Variants in UVRAG observed in about 807,000 individuals in gnomAD.
The protein encoded by UVRAG is UV radiation resistance associated.
In UVRAG, 19 loss-of-function variants were observed where a neutral mutation model predicts 78.0. The observed-to-expected ratio is 0.24, with a 90% confidence interval of 0.17 to 0.36. The LOEUF (loss-of-function observed/expected upper bound fraction) is 0.36, where lower values mean the gene tolerates loss of function less well. UVRAG is among the 10% of genes least tolerant of loss of function. The pLI, the probability that UVRAG is intolerant of heterozygous loss-of-function variation, is 1.00. For missense variants in UVRAG, 740 were observed against 853.8 expected (o/e 0.87, Z 1.66); for synonymous variants, 323 against 324.6 (o/e 1.00, Z 0.05).
intron 12 of UVRAG, among the ~76,000 whole-genome samples, chr11:76,030,067 G>A (rs1950406939): frequency 6.6e-6 from 1 of 151,522 alleles, no homozygotes; most frequent in Non-Finnish European, 1.5e-5. Flanking sequence ...TATATATTTT[G>A]TATTTTCTTT....
At chr11:76,113,397 G>A (rs1952117860) in intron 13 of UVRAG, among the ~76,000 whole-genome samples, 1 of 152,018 alleles carries the variant, frequency 6.6e-6, no homozygotes, top group South Asian at 2.1e-4. Context: ...TGGGAGCATA[G>A]TAGATGATGT....
At chr11:75,889,393 T>G (rs1947167124) in intron 5 of UVRAG, among the ~76,000 whole-genome samples, 1 of 152,244 alleles carries the variant, frequency 6.6e-6, no homozygotes, top group Non-Finnish European at 1.5e-5. Flanking sequence ...CAGGTGATTC[T>G]TGTCCTTTTC....
chr11:76,022,463 C>T (rs1410726904), intron 12 of UVRAG, among the ~76,000 whole-genome samples: 1 of 151,968 alleles, frequency 6.6e-6, no homozygotes, highest in Non-Finnish European at 1.5e-5. Context: ...ATATTTTAGA[C>T]CTCTGTTGTT....
rs146399433 is a variant in UVRAG, at chr11:75,892,313, G to A, written c.507+3410G>A. 9.1e-6 allele frequency: 9 copies of A among 985,358 alleles called. No individual in the cohort carries two copies. The African/African-American group carries it at 1.2e-4, about 13-fold the overall frequency. The allele number at this position is 985,358 out of a possible 1,614,324, so 61.0% of individuals were successfully genotyped here. On this transcript the variant is annotated intron_variant, in intron 5 of 14. Coordinates refer to ENST00000356136, the MANE Select transcript of UVRAG (RefSeq NM_003369.4). Reference sequence around the variant, plus strand: ...AGTGAGTGGAGGACACAGAGAAACTGCAGATGCTCCTTTCATGACCTTTTC... The same window carrying A: ...AGTGAGTGGAGGACACAGAGAAACTACAGATGCTCCTTTCATGACCTTTTC...
intron 1 of UVRAG, chr11:75,835,395 C>T (rs773279123): frequency 6.6e-5 from 10 of 152,062 alleles, no homozygotes; most frequent in Non-Finnish European, 8.8e-5. Flanking sequence ...GACAATTTCC[C>T]GAAGCAATGT....
intron 1 of UVRAG, among the ~76,000 whole-genome samples, chr11:75,821,158 A>G (rs1244823520): frequency 6.6e-6 from 1 of 152,154 alleles, no homozygotes; most frequent in Non-Finnish European, 1.5e-5. Flanking sequence ...GGTACCTCAT[A>G]TAAGTGGCAT....
At chr11:76,099,786 T>C (rs936586906) in intron 13 of UVRAG, among the ~76,000 whole-genome samples, 1 of 152,266 alleles carries the variant, frequency 6.6e-6, no homozygotes, top group South Asian at 2.1e-4. Flanking sequence ...AGGAAAATCA[T>C]TGATTTTTGT....
chr11:75,855,060 T>C (rs1012593042), intron 2 of UVRAG, among the ~76,000 whole-genome samples: 2 of 152,202 alleles, frequency 1.3e-5, no homozygotes, highest in Non-Finnish European at 2.9e-5. Context: ...ATTAGAATTA[T>C]AATAATCATA....
intron 8 of UVRAG, among the ~76,000 whole-genome samples, chr11:75,993,131 A>G (rs944792523): frequency 6.6e-6 from 1 of 152,228 alleles, no homozygotes; most frequent in Non-Finnish European, 1.5e-5. Context: ...TCTGTTCAGT[A>G]AGGATAGCTG....
At position 75,924,414 on chromosome 11, in the gene UVRAG, C is replaced by T. The variant is rs367748718; in HGVS notation, c.593+12375C>T. On this transcript the variant is annotated intron_variant, in intron 6 of 14. Transcript: ENST00000356136. ...TTTTTGTTTTTTTTTGTGACGGAGT[C>T]TCGCTCTGTCACCCAGGCTAGAGTG... is the stretch of plus-strand genomic sequence containing the variant. Among the ~76,000 whole-genome samples, 155 of 150,840 alleles carry T rather than the reference C, an allele frequency of 1.0e-3. 5 individuals carry two copies. The East Asian group carries it at 0.025, about 24-fold the overall frequency.
intron 13 of UVRAG, among the ~76,000 whole-genome samples, chr11:76,091,906 A>G (rs1394692163): frequency 2.6e-5 from 4 of 152,024 alleles, no homozygotes; most frequent in Admixed American, 6.6e-5. Context: ...ACATATGTAT[A>G]CATGTGCCTT....
rs1304371132 is a variant in UVRAG, at chr11:75,815,324, AGGGGCTT to A, written c.-81_-75del. 2.5e-5 allele frequency: 18 copies of A among 709,888 alleles called. No homozygotes were observed. The highest frequency in any genetic ancestry group is 3.4e-5 in the Non-Finnish European group (17 of 505,096). The allele number at this position is 709,888 out of a possible 1,614,324, so 44.0% of individuals were successfully genotyped here. On this transcript the variant is annotated 5_prime_UTR_variant, in exon 1 of 15. Transcript: ENST00000356136. ...CTCGGGTGGCGGGTTTCTAGGCTGC[AGGGGCTT>A]GGTAGGTGGTGGCAAGGGGGCGGCG...
At chr11:76,081,236 C>T (rs956243789) in intron 13 of UVRAG, among the ~76,000 whole-genome samples, 3 of 151,364 alleles carry the variant, frequency 2.0e-5, no homozygotes, top group Non-Finnish European at 4.4e-5. Flanking sequence ...GAGATGGTCT[C>T]GCTCTGTTGC....
intron 13 of UVRAG, among the ~76,000 whole-genome samples, chr11:76,091,068 CATGCATGGAG>C (rs1402649858): frequency 5.3e-5 from 8 of 152,180 alleles, no homozygotes; most frequent in African/African-American, 1.4e-4. Context: ...CCTAAGAAAG[CATGCATGGAG>C]ATAAATTTTT....
At chr11:75,937,860 A>G (rs1948403861) in intron 6 of UVRAG, among the ~76,000 whole-genome samples, 1 of 151,744 alleles carries the variant, frequency 6.6e-6, no homozygotes, top group Admixed American at 6.6e-5. Context: ...CCCTTCATGA[A>G]CTCCATCTAA....
chr11:76,002,378 T>G (rs540173916), intron 8 of UVRAG, among the ~76,000 whole-genome samples: 4 of 152,172 alleles, frequency 2.6e-5, no homozygotes, highest in South Asian at 2.1e-4. Flanking sequence ...TTCTACCACA[T>G]TGCAAGGAGT....
Position 75,857,494 on chromosome 11 carries a change from C to G in UVRAG, c.236-4252C>G, listed in dbSNP as rs565054305. On this transcript the variant is annotated intron_variant, in intron 2 of 14. Coordinates refer to ENST00000356136, the MANE Select transcript of UVRAG (RefSeq NM_003369.4). ...TCTTGCAGATCTTTCTTTTTCCCCC[C>G]CCCTTTTTTTTTTGAGATGGAGTCT... 1.9e-3 allele frequency among the ~76,000 whole-genome samples: 285 copies of G among 151,504 alleles called. 6 individuals are homozygous for G. Among genetic ancestry groups the G allele is most frequent in the African/African-American group, 6.4e-3 (263 of 41,252 alleles).
intron 7 of UVRAG, among the ~76,000 whole-genome samples, chr11:75,978,646 C>T (rs1949311526): frequency 6.6e-6 from 1 of 152,190 alleles, no homozygotes; most frequent in South Asian, 2.1e-4. Context: ...ACCCTTTCTT[C>T]CAGTTGATCG....
At position 76,058,610 on chromosome 11, in the gene UVRAG, A is replaced by G. The variant is rs1464395134; in HGVS notation, c.1227-7100A>G. Among the ~76,000 whole-genome samples the G allele has an allele frequency of 2.0e-5, 3 of 152,082 alleles. No homozygotes were observed. In the East Asian group the frequency reaches 5.8e-4, roughly 29 times the overall value. ...TTTTGGTCACTTCTTTAAATGTGATATAGCTGTCAAATAAAGCATGAGGCA... is the reference window on the plus strand; with the variant it reads ...TTTTGGTCACTTCTTTAAATGTGATGTAGCTGTCAAATAAAGCATGAGGCA... On this transcript the variant is annotated intron_variant, in intron 12 of 14. Transcript: ENST00000356136.
Sources: gnomAD v4.1 joint callset for allele counts (sites outside exome capture counted in the v4.1 genomes callset) on GRCh38, gnomAD v4.1.1 for gene constraint, MANE v1.5 for transcripts, NCBI Gene and HGNC (gene_info 2026-07-23, HGNC 2026-07-21) for gene names.